KAZN: variants seen among roughly 807,000 people sequenced by gnomAD.
KAZN encodes kazrin.
KAZN carries 40 observed loss-of-function variants against 87.4 expected under a neutral mutation model. That is an observed-to-expected ratio of 0.46 (90% CI 0.36 to 0.60). The LOEUF (loss-of-function observed/expected upper bound fraction) is 0.60. KAZN is among the 20% of genes least tolerant of loss of function. The pLI is 0.00. For synonymous variants in KAZN, 466 were observed against 458.3 expected, an observed-to-expected ratio of 1.02 and a Z score of -0.22; for missense variants, 898 against 1,073.9, an observed-to-expected ratio of 0.84 and a Z score of 2.29.
chr1:14,987,646 T>C (rs935821083), intron 2 of KAZN, among the ~76,000 whole-genome samples: 1 of 152,018 alleles, frequency 6.6e-6, no homozygotes, highest in African/African-American at 2.4e-5. Context: ...CAGAAGCCAT[T>C]GTAGCTGGAA....
intron 1 of KAZN, among the ~76,000 whole-genome samples, chr1:14,721,268 G>A (rs1164836959): frequency 3.9e-5 from 6 of 152,186 alleles, no homozygotes; most frequent in Admixed American, 3.9e-4. Context: ...TTGTGAGTGA[G>A]TTCTCACGAG....
At chr1:14,117,487 C>A (rs953113720) in intron 1 of KAZN, among the ~76,000 whole-genome samples, 3 of 152,182 alleles carry the variant, frequency 2.0e-5, no homozygotes, top group Non-Finnish European at 4.4e-5. Flanking sequence ...ATTAAAACCT[C>A]TTTTTCTTCC....
chr1:14,696,486 T>G (rs1310866624), intron 1 of KAZN, among the ~76,000 whole-genome samples: 1 of 152,242 alleles, frequency 6.6e-6, no homozygotes, highest in South Asian at 2.1e-4. Flanking sequence ...TCATGGAGGA[T>G]CTTTGCCCAT....
intron 2 of KAZN, among the ~76,000 whole-genome samples, chr1:14,195,803 C>T (rs557378170): frequency 6.6e-6 from 1 of 152,228 alleles, no homozygotes; most frequent in African/African-American, 2.4e-5. Context: ...ATAGTTAAGG[C>T]ACTAGGAAAT....
chr1:14,058,706 A>C (rs1436644482), intron 1 of KAZN, among the ~76,000 whole-genome samples: 3 of 152,240 alleles, frequency 2.0e-5, no homozygotes, highest in Non-Finnish European at 4.4e-5. Flanking sequence ...TATTTCAAGA[A>C]GAAGTGATTA....
At chr1:14,473,743 G>A (rs147442822) in intron 2 of KAZN, among the ~76,000 whole-genome samples, 279 of 151,696 alleles carry the variant, frequency 1.8e-3, no homozygotes, top group African/African-American at 6.5e-3. Context: ...ATCTCCACAT[G>A]TCTATGCCGC....
At chr1:14,548,525 A>G (rs376001560) in intron 2 of KAZN, among the ~76,000 whole-genome samples, 1 of 152,152 alleles carries the variant, frequency 6.6e-6, no homozygotes, top group African/African-American at 2.4e-5. Context: ...TCATTTCGCC[A>G]TATATGTTTA....
At chr1:14,188,194 C>CGTGTGT (rs3033865) in intron 2 of KAZN, among the ~76,000 whole-genome samples, 7,951 of 140,028 alleles carry the variant, frequency 0.057, 265 homozygotes, top group African/African-American at 0.079. Context: ...GAGAGAGGAG[C>CGTGTGT]GTGTGTGTGT....
chr1:14,924,610 G>C, intron 1 of KAZN: 1 of 996,740 alleles, frequency 1.0e-6, no homozygotes, highest in Non-Finnish European at 1.2e-6. Context: ...GGGCGGCGCG[G>C]ACACAGGCCC....
chr1:14,151,108 T>G (rs1178792967), intron 1 of KAZN, among the ~76,000 whole-genome samples: 2 of 152,224 alleles, frequency 1.3e-5, no homozygotes, highest in African/African-American at 4.8e-5. Flanking sequence ...TTATAAAAGT[T>G]TCACATGCTA....
chr1:14,167,700 G>A (rs183558426), intron 1 of KAZN, among the ~76,000 whole-genome samples: 5 of 152,074 alleles, frequency 3.3e-5, no homozygotes, highest in East Asian at 1.9e-4. Context: ...TCCAGCCTGC[G>A]TAAAAGAGAG....
intron 1 of KAZN, among the ~76,000 whole-genome samples, chr1:14,169,417 A>C (rs1187024561): frequency 2.0e-5 from 3 of 151,972 alleles, no homozygotes; most frequent in Non-Finnish European, 4.4e-5. Context: ...TCCATGTTAT[A>C]TGTCCAGCCG....
At chr1:14,234,410 G>GC (rs1326479192) in intron 2 of KAZN, among the ~76,000 whole-genome samples, 1 of 64,574 alleles carries the variant, frequency 1.5e-5, no homozygotes, top group Admixed American at 1.8e-4. Flanking sequence ...GTTAGGGGAT[G>GC]GGGGGCTAGG....
intron 1 of KAZN, among the ~76,000 whole-genome samples, chr1:14,684,539 T>C (rs1023994215): frequency 6.6e-6 from 1 of 152,134 alleles, no homozygotes; most frequent in Non-Finnish European, 1.5e-5. Flanking sequence ...AGGCCAGAAG[T>C]GTGGACTGAG....
intron 1 of KAZN, among the ~76,000 whole-genome samples, chr1:14,017,014 G>A (rs1341722864): frequency 3.3e-5 from 5 of 152,138 alleles, no homozygotes; most frequent in Admixed American, 2.6e-4. Context: ...TAGGTTCTTC[G>A]AGAAGTGCCT....
chr1:14,972,244 A>G (rs1468387294), intron 2 of KAZN, among the ~76,000 whole-genome samples: 1 of 152,218 alleles, frequency 6.6e-6, no homozygotes. Flanking sequence ...GGGTCAGGAC[A>G]TGACCTTGAA....
At position 14,822,196 on chromosome 1, in the gene KAZN, C is replaced by T. The variant is rs536969996; in HGVS notation, c.227-138488C>T. ...CCCAGCCAGGTAACTTGAGGGGGCA[C>T]GTCACCTGTGACCCTGGGAGGTGAG... On this transcript the variant is annotated intron_variant, in intron 1 of 14. Coordinates refer to ENST00000376030, the MANE Select transcript of KAZN (RefSeq NM_201628.3). Among the ~76,000 whole-genome samples the T allele has an allele frequency of 1.4e-4, 21 of 152,250 alleles. 1 individual carries two copies. The highest frequency in any genetic ancestry group is 4.6e-4 in the African/African-American group (19 of 41,552).
Position 13,905,160 on chromosome 1 carries a change from ATTTAT to A in KAZN, c.91+11407_91+11411del, listed in dbSNP as rs985020378. 3.3e-5 allele frequency among the ~76,000 whole-genome samples: 5 copies of A among 152,220 alleles called. 1 individual carries two copies. Among genetic ancestry groups the A allele is most frequent in the African/African-American group, 9.6e-5 (4 of 41,544 alleles). On this transcript the variant is annotated intron_variant, in intron 1 of 16. Coordinates refer to the KAZN transcript ENST00000636203. ...TCTCTTGCTCTTGATCATATGTTTT[ATTTAT>A]TTAATCATTTAAAATTAATACTTAT...
At chr1:13,978,323 C>CCTAGGAA (rs1374171386) in intron 1 of KAZN, among the ~76,000 whole-genome samples, 1 of 151,764 alleles carries the variant, frequency 6.6e-6, no homozygotes, top group African/African-American at 2.4e-5. Flanking sequence ...TACCACACAT[C>CCTAGGAA]CTAGGAAATA....
Sources: allele counts gnomAD v4.1 joint callset (sites outside exome capture counted in the v4.1 genomes callset), GRCh38; gene constraint gnomAD v4.1.1; transcripts MANE v1.5; gene names NCBI Gene and HGNC (gene_info 2026-07-23, HGNC 2026-07-21).